GAS7: variants seen among roughly 807,000 people sequenced by gnomAD.
GAS7 encodes the protein growth arrest specific 7, also known as growth arrest-specific protein 7.
In GAS7, 28 loss-of-function variants were observed where a neutral mutation model predicts 71.1. That is an observed-to-expected ratio of 0.39 (90% CI 0.29 to 0.54). The LOEUF is 0.54. Ranked by LOEUF, GAS7 falls within the 20% of genes least tolerant of loss-of-function variation. GAS7 has a pLI of 0.62. For synonymous variants in GAS7, 258 were observed against 245.8 expected (o/e 1.05, Z -0.46); for missense variants, 436 against 627.8 (o/e 0.69, Z 3.27).
intron 2 of GAS7, among the ~76,000 whole-genome samples, chr17:10,007,216 T>C (rs955092419): frequency 6.6e-5 from 10 of 152,240 alleles, no homozygotes; most frequent in African/African-American, 2.4e-4. Flanking sequence ...TGAAGGTCTG[T>C]GATAGAATCT....
intron 6 of GAS7, among the ~76,000 whole-genome samples, chr17:9,945,198 G>C (rs1245839403): frequency 5.9e-5 from 9 of 152,020 alleles, no homozygotes. Context: ...CTTGAGAGAT[G>C]ATGTTTCCAA....
intron 1 of GAS7, among the ~76,000 whole-genome samples, chr17:10,171,662 T>C (rs1421179742): frequency 6.6e-6 from 1 of 152,214 alleles, no homozygotes; most frequent in African/African-American, 2.4e-5. Context: ...TTATCTGCCA[T>C]AAAAACCAGG....
chr17:9,970,661 C>T (rs1159419169), intron 3 of GAS7, among the ~76,000 whole-genome samples: 1 of 151,478 alleles, frequency 6.6e-6, no homozygotes, highest in Non-Finnish European at 1.5e-5. Context: ...ACAAAAAAAA[C>T]ACATTATCTG....
intron 7 of GAS7, among the ~76,000 whole-genome samples, chr17:9,940,745 G>T (rs1247072186): frequency 6.6e-6 from 1 of 152,242 alleles, no homozygotes. Context: ...GCCCAGGGCT[G>T]CAGGTAGATT....
At chr17:10,085,046 A>G (rs1034947598) in intron 1 of GAS7, among the ~76,000 whole-genome samples, 29 of 152,152 alleles carry the variant, frequency 1.9e-4, no homozygotes, top group Admixed American at 1.8e-3. Flanking sequence ...TTTTTGCTAT[A>G]AGACTGTTCT....
chr17:9,914,448 G>C lies in GAS7; in HGVS notation c.*2780C>G, dbSNP rs999740627. 14 of 180,112 alleles carry C rather than the reference G, an allele frequency of 7.8e-5. No homozygotes were observed. The Admixed American group carries it at 8.8e-4, about 11-fold the overall frequency. 11.2% of individuals were successfully genotyped at this position (180,112 alleles called of 1,614,324 possible). A position where few individuals can be genotyped will look rare whatever the true frequency, so the allele number is the denominator to read the frequency against. On this transcript the variant is annotated 3_prime_UTR_variant, in exon 14 of 14. Coordinates refer to ENST00000432992, the MANE Select transcript of GAS7 (RefSeq NM_201433.2). ...TCACCATGTTAGCCAGGATGGTCTC[G>C]ATCTCCTGACCTCGTGATCTGCCCA...
chr17:9,959,007 T>A lies in GAS7; in HGVS notation c.525+195A>T. The A allele has an allele frequency of 7.1e-7, 1 of 1,416,648 alleles. No homozygotes were observed. The highest frequency in any genetic ancestry group is 1.5e-5 in the South Asian group (1 of 65,632). 87.8% of individuals were successfully genotyped at this position (1,416,648 alleles called of 1,614,324 possible). ...CTTGTTCACCAGGAGAGAAGTGAAA[T>A]GTGAAATTGACAGGAGAAGGGGAGG... On this transcript the variant is annotated intron_variant, in intron 5 of 13. Coordinates refer to ENST00000432992, the MANE Select transcript of GAS7 (RefSeq NM_201433.2). The surrounding 1 kb of genome is among the most constrained non-coding windows in gnomAD (Gnocchi z 5.0).
In GAS7 at chr17:10,155,455, G is replaced by T. The variant is rs1278153068; in HGVS notation, c.183+42753C>A. On this transcript the variant is annotated intron_variant, in intron 1 of 13. Transcript: ENST00000432992. The stretch of plus-strand genomic sequence containing the variant: ...GCTCTGCCCTATTCAGAAACCAAAG[G>T]TCCTCATAAAAGTATTTGTAATAAT... Among the ~76,000 whole-genome samples, 3 of 152,258 alleles carry T rather than the reference G, an allele frequency of 2.0e-5. No individual in the cohort carries two copies. The South Asian group carries it at 6.2e-4, about 32-fold the overall frequency.
chr17:10,168,121 G>C (rs2142127778), intron 1 of GAS7, among the ~76,000 whole-genome samples: 1 of 152,102 alleles, frequency 6.6e-6, no homozygotes, highest in African/African-American at 2.4e-5. Context: ...ACTTTTAATA[G>C]CAAAAAGAAA....
chr17:10,016,945 G>A (rs1337901869), intron 2 of GAS7, among the ~76,000 whole-genome samples: 2 of 149,960 alleles, frequency 1.3e-5, no homozygotes, highest in East Asian at 3.9e-4. Context: ...GTGAGACCCT[G>A]TCTCAAATAA....
intron 9 of GAS7, among the ~76,000 whole-genome samples, chr17:9,929,933 G>A (rs960776830): frequency 2.6e-5 from 4 of 152,140 alleles, no homozygotes; most frequent in African/African-American, 9.7e-5. Context: ...GCCTGTCATG[G>A]CCCATCAGTT....
chr17:10,193,292 G>A lies in GAS7; in HGVS notation c.183+4916C>T, dbSNP rs1241575854. Among the ~76,000 whole-genome samples the A allele has an allele frequency of 2.7e-5, 4 of 147,332 alleles. No homozygotes were observed. In the South Asian group the frequency reaches 6.4e-4, roughly 24 times the overall value. ...AAAAAAAAAAAACCCTCCAAGGATT[G>A]CGATAGAGGTAGAACTGCCAAGTCT... On this transcript the variant is annotated intron_variant, in intron 1 of 13. Transcript: ENST00000432992.
intron 1 of GAS7, among the ~76,000 whole-genome samples, chr17:10,072,687 A>C (rs2073353159): frequency 6.6e-6 from 1 of 151,996 alleles, no homozygotes; most frequent in South Asian, 2.1e-4. Flanking sequence ...CCCTACCCCG[A>C]TCCACAGGAG....
chr17:10,022,899 G>T (rs886285452), intron 1 of GAS7, among the ~76,000 whole-genome samples: 2 of 152,204 alleles, frequency 1.3e-5, no homozygotes, highest in African/African-American at 4.8e-5. Context: ...TGGCCAGTGC[G>T]TTCTGGTGAG....
intron 1 of GAS7, among the ~76,000 whole-genome samples, chr17:10,197,411 A>C (rs891433316): frequency 2.8e-5 from 4 of 140,944 alleles, no homozygotes; most frequent in East Asian, 2.0e-4. Context: ...TCACCCCCCC[A>C]CACACAAAGG....
At position 9,937,154 on chromosome 17, in the gene GAS7, T is replaced by C. The variant is rs144860689; in HGVS notation, c.807-2910A>G. Among the ~76,000 whole-genome samples the C allele has an allele frequency of 1.2e-3, 179 of 152,330 alleles. 1 individual carries two copies. In the Middle Eastern group the frequency reaches 0.014, roughly 12 times the overall value. On this transcript the variant is annotated intron_variant, in intron 8 of 13. Coordinates refer to ENST00000432992, the MANE Select transcript of GAS7 (RefSeq NM_201433.2). ...TGTGCATGGGGCTGCTGTGCGTGCA[T>C]GCACACACAGAGTAATGTGTACACC...
chr17:9,960,918 A>T lies in GAS7; in HGVS notation c.472-1663T>A, dbSNP rs1231564867. 7.2e-5 allele frequency among the ~76,000 whole-genome samples: 11 copies of T among 152,174 alleles called. No individual in the cohort carries two copies. The South Asian group carries it at 1.4e-3, about 20-fold the overall frequency. ...GAGAATCTGACTTCTTTGAGCCTCA[A>T]TTTCTCCATCTGTCAAATGGATGGT... On this transcript the variant is annotated intron_variant, in intron 4 of 13. Transcript: ENST00000432992.
chr17:9,970,261 A>T (rs968995274), intron 3 of GAS7, among the ~76,000 whole-genome samples: 1 of 152,184 alleles, frequency 6.6e-6, no homozygotes, highest in Non-Finnish European at 1.5e-5. Flanking sequence ...GTCACCGTGA[A>T]ATTAGGCTCT....
chr17:10,190,861 A>C (rs1011414511), intron 1 of GAS7, among the ~76,000 whole-genome samples: 4 of 151,762 alleles, frequency 2.6e-5, no homozygotes, highest in Admixed American at 6.6e-5. Flanking sequence ...AAAAAAAAAA[A>C]CCCTCATGTT....
Sources: allele counts gnomAD v4.1 joint callset (sites outside exome capture counted in the v4.1 genomes callset), GRCh38; gene constraint gnomAD v4.1.1; non-coding constraint Gnocchi (gnomAD v3.1); transcripts MANE v1.5; gene names NCBI Gene and HGNC (gene_info 2026-07-23, HGNC 2026-07-21).